Variants in VAV1 observed in about 807,000 individuals in gnomAD.
The protein encoded by VAV1 is vav guanine nucleotide exchange factor 1.
A neutral mutation model predicts 128.1 loss-of-function variants in VAV1; 33 were observed. That is an observed-to-expected ratio of 0.26 (90% CI 0.20 to 0.34). VAV1 has a LOEUF of 0.34. Among genes scored for constraint, VAV1 ranks in the 10% least tolerant of loss-of-function variants. The pLI is 1.00. For missense variants in VAV1, 715 were observed against 1,093.7 expected (o/e 0.65, Z 4.88); for synonymous variants, 394 against 409.8 (o/e 0.96, Z 0.47).
intron 1 of VAV1, among the ~76,000 whole-genome samples, chr19:6,775,059 C>G (rs1372999905): frequency 6.6e-6 from 1 of 152,100 alleles, no homozygotes; most frequent in African/African-American, 2.4e-5. Context: ...AGCCACCATG[C>G]CCGGCCCTTC....
intron 1 of VAV1, among the ~76,000 whole-genome samples, chr19:6,789,344 C>G (rs1970964619): frequency 6.6e-6 from 1 of 151,836 alleles, no homozygotes; most frequent in African/African-American, 2.4e-5. Context: ...GCTCCACCTC[C>G]CAGGTTCACG....
intron 1 of VAV1, among the ~76,000 whole-genome samples, chr19:6,792,965 C>T (rs932293682): frequency 4.6e-5 from 7 of 152,274 alleles, no homozygotes; most frequent in Non-Finnish European, 1.0e-4. Context: ...GGCACATGGA[C>T]TCCAGTTGTG....
At chr19:6,854,213 G>C in intron 26 of VAV1, 115 bp downstream of exon 26, 1 of 1,342,648 alleles carries the variant, frequency 7.4e-7, no homozygotes, top group Non-Finnish European at 1.0e-6. Context: ...GATCTCTCAC[G>C]GTGGGAGGGA....
chr19:6,814,667 C>CTTT (rs1568299138), intron 1 of VAV1, among the ~76,000 whole-genome samples: 517 of 24,800 alleles, frequency 0.021, 2 homozygotes, highest in Non-Finnish European at 0.026. Context: ...TTCCTTCCTT[C>CTTT]CTTCCTTTCT....
At chr19:6,819,799 C>G (rs1370228906) in intron 1 of VAV1, among the ~76,000 whole-genome samples, 1 of 152,188 alleles carries the variant, frequency 6.6e-6, no homozygotes, top group Non-Finnish European at 1.5e-5. Context: ...TGGGGAACCT[C>G]AGAGAGTGCT....
At chr19:6,794,626 A>T (rs1971090749) in intron 1 of VAV1, among the ~76,000 whole-genome samples, 1 of 152,206 alleles carries the variant, frequency 6.6e-6, no homozygotes, top group African/African-American at 2.4e-5. Flanking sequence ...GGTCACTTTA[A>T]TGAGCACCCA....
chr19:6,778,476 G>A (rs1970693520), intron 1 of VAV1, among the ~76,000 whole-genome samples: 1 of 152,142 alleles, frequency 6.6e-6, no homozygotes, highest in South Asian at 2.1e-4. Flanking sequence ...GTTGGGTGGT[G>A]GCTTTGGAGA....
chr19:6,839,974 G>A (rs534212378), intron 21 of VAV1, among the ~76,000 whole-genome samples: 1 of 152,156 alleles, frequency 6.6e-6, no homozygotes, highest in Non-Finnish European at 1.5e-5. Flanking sequence ...TTACAGGCCT[G>A]AGCCGCCATG....
At position 6,832,099 on chromosome 19, in the gene VAV1, C is replaced by T. The variant is rs984737612; in HGVS notation, c.1407C>T (p.His469=). The change falls in exon 15 of 27, where the codon CAC becomes CAT. Residue 469 remains histidine (H), a synonymous_variant. Coordinates refer to ENST00000602142, the MANE Select transcript of VAV1 (RefSeq NM_005428.4). ...SGDRDNKKWS[H]MFLLIEDQGA... is the part of the protein sequence containing the mutation. Reference sequence around the variant, plus strand: ...GCTCTGCTTCCCTGCAGTGGAGCCACATGTTCCTCCTGATCGAGGACCAAG... The same window carrying T: ...GCTCTGCTTCCCTGCAGTGGAGCCATATGTTCCTCCTGATCGAGGACCAAG... 1.4e-5 allele frequency: 23 copies of T among 1,614,052 alleles called. No homozygotes were observed. In the African/African-American group the frequency reaches 2.9e-4, roughly 21 times the overall value.
Position 6,826,732 on chromosome 19 carries a change from C to A in VAV1, c.927+21C>A. 3.9e-6 allele frequency: 6 copies of A among 1,530,908 alleles called. No individual in the cohort carries two copies. The highest frequency in any genetic ancestry group is 5.3e-6 in the Non-Finnish European group (6 of 1,139,516). The allele number at this position is 1,530,908 out of a possible 1,614,324, so 94.8% of individuals were successfully genotyped here. A position where few individuals can be genotyped will look rare whatever the true frequency, so the allele number is the denominator to read the frequency against. On this transcript the variant is annotated intron_variant, in intron 9 of 26. Coordinates refer to ENST00000602142, the MANE Select transcript of VAV1 (RefSeq NM_005428.4). This position sits in a 1 kb window ranked among gnomAD's most constrained non-coding sequence, Gnocchi z 4.1. ...TGGAGGTGGGCGCCGGGCCACTTCT[C>A]GGGGGCCTCTCCCGCTCCTCCCCAG... is the stretch of plus-strand genomic sequence containing the variant.
At chr19:6,816,754 C>T (rs908438504) in intron 1 of VAV1, among the ~76,000 whole-genome samples, 5 of 151,610 alleles carry the variant, frequency 3.3e-5, no homozygotes, top group Admixed American at 2.0e-4. Context: ...TACTTGAGAT[C>T]AGTTCAAGAC....
At position 6,846,059 on chromosome 19, in the gene VAV1, A is replaced by G. The variant is rs540848477; in HGVS notation, c.2013-1939A>G. On this transcript the variant is annotated intron_variant, in intron 22 of 26. Transcript: ENST00000602142. Reference sequence around the variant, plus strand: ...TGACATAAAATTATATATTATGTATAATTAATATTTATTATTTATATATGT... The same window carrying G: ...TGACATAAAATTATATATTATGTATGATTAATATTTATTATTTATATATGT... Among the ~76,000 whole-genome samples, 112 of 148,940 alleles carry G rather than the reference A, an allele frequency of 7.5e-4. 1 individual carries two copies. The highest frequency in any genetic ancestry group is 2.7e-3 in the African/African-American group (109 of 40,978).
At chr19:6,850,890 T>A in intron 24 of VAV1, 133 bp downstream of exon 24, 1 of 717,122 alleles carries the variant, frequency 1.4e-6, no homozygotes, top group Non-Finnish European at 2.3e-6. Context: ...CAAGTGACCT[T>A]AAACTTATGC....
At chr19:6,806,543 C>G (rs1971400739) in intron 1 of VAV1, among the ~76,000 whole-genome samples, 1 of 152,210 alleles carries the variant, frequency 6.6e-6, no homozygotes, top group Non-Finnish European at 1.5e-5. Flanking sequence ...CTTTGTAAAT[C>G]TAGGATCTCC....
At chr19:6,806,450 G>A (rs2144740488) in intron 1 of VAV1, among the ~76,000 whole-genome samples, 1 of 152,316 alleles carries the variant, frequency 6.6e-6, no homozygotes, top group South Asian at 2.1e-4. Flanking sequence ...AAACTCGTAT[G>A]TGGGTTTTAA....
Position 6,772,996 on chromosome 19 carries a change from C to T in VAV1, c.189C>T (p.Arg63=). ...TCAACCTGCGTGAGGTCAACCTGCGCCCCCAGATGTCCCAGGTGAGCCCTC... is the reference window on the plus strand; with the variant it reads ...TCAACCTGCGTGAGGTCAACCTGCGTCCCCAGATGTCCCAGGTGAGCCCTC... ...HAINLREVNL[R]PQMSQFLCLK... is the part of the protein sequence containing the mutation. The change falls in exon 1 of 27, where the codon CGC becomes CGT. Residue 63 remains arginine, a synonymous_variant. Transcript: ENST00000602142. The surrounding 1 kb of genome is among the most constrained non-coding windows in gnomAD (Gnocchi z 4.8). 1.2e-6 allele frequency: 2 copies of T among 1,613,976 alleles called. No homozygotes were observed. Among genetic ancestry groups the T allele is most frequent in the Non-Finnish European group, 1.7e-6 (2 of 1,179,900 alleles).
intron 1 of VAV1, among the ~76,000 whole-genome samples, chr19:6,807,989 C>CAAAAA (rs980612666): frequency 6.3e-4 from 32 of 50,858 alleles, no homozygotes; most frequent in East Asian, 2.0e-3. Context: ...GACTCTGTCT[C>CAAAAA]AAAAAAAAAA....
Position 6,820,235 on chromosome 19 carries a change from GT to G in VAV1, c.205-461del, listed in dbSNP as rs1407435288. 1.3e-5 allele frequency among the ~76,000 whole-genome samples: 2 copies of G among 152,050 alleles called. No homozygotes were observed. Among genetic ancestry groups the G allele is most frequent in the African/African-American group, 2.4e-5 (1 of 41,412 alleles). On this transcript the variant is annotated intron_variant, in intron 1 of 26. Transcript: ENST00000602142. This position sits in a 1 kb window ranked among gnomAD's most constrained non-coding sequence, Gnocchi z 4.4. The stretch of plus-strand genomic sequence containing the variant: ...CTGGGAGGTGGAGGCAGGAGGCATG[GT>G]TTTTTGTTTGTTTGTTTGAGACAGG...
chr19:6,828,887 T>A lies in VAV1; in HGVS notation c.1252T>A (p.Ser418Thr). 1 of 1,613,912 alleles carries A rather than the reference T, an allele frequency of 6.2e-7. No individual in the cohort carries two copies. Among genetic ancestry groups the A allele is most frequent in the Non-Finnish European group, 8.5e-7 (1 of 1,180,014 alleles). The change falls in exon 13 of 27, where the codon TCC (serine) becomes ACC (threonine). Residue 418 changes from serine (S) to threonine (T), a missense_variant. Ser to Thr is a moderately conservative substitution (Grantham distance 58). Transcript: ENST00000602142. This position sits in a 1 kb window ranked among gnomAD's most constrained non-coding sequence, Gnocchi z 4.5. ...CAAGATCACCTCGGTGGAACGGCGC[T>A]CCAAGATGGACAGGTGGGTGGAGTC... ...ELKITSVERRSKMDRYAFLLD... is the reference protein window; with the variant it reads ...ELKITSVERRTKMDRYAFLLD...
Sources: allele counts gnomAD v4.1 joint callset (sites outside exome capture counted in the v4.1 genomes callset), GRCh38; gene constraint gnomAD v4.1.1; non-coding constraint Gnocchi (gnomAD v3.1); transcripts MANE v1.5; gene names NCBI Gene and HGNC (gene_info 2026-07-23, HGNC 2026-07-21).